SIPA1L3: variants seen among roughly 807,000 people sequenced by gnomAD.
The protein encoded by SIPA1L3 is signal induced proliferation associated 1 like 3.
Under a neutral mutation model 150.1 loss-of-function variants are expected in SIPA1L3, and 59 were observed. The ratio of observed to expected loss-of-function variants is 0.39; its 90% CI spans 0.32 to 0.49. SIPA1L3 has a LOEUF of 0.49. SIPA1L3 is among the 20% of genes least tolerant of loss of function. The probability of loss-of-function intolerance (pLI) is 0.86; values close to 1 mark genes in which losing one functional copy is unlikely to be tolerated. For missense variants in SIPA1L3, 2,211 were observed against 2,489.5 expected (o/e 0.89, Z 2.38); for synonymous variants, 1,070 against 1,077.6 (o/e 0.99, Z 0.14).
chr19:37,959,582 A>G (rs2046839137), intron 1 of SIPA1L3, among the ~76,000 whole-genome samples: 1 of 152,116 alleles, frequency 6.6e-6, no homozygotes, highest in Non-Finnish European at 1.5e-5. Context: ...GATGATAAAA[A>G]TTTTCTAAGC....
chr19:38,061,617 A>C (rs1969447606), intron 2 of SIPA1L3, among the ~76,000 whole-genome samples: 1 of 151,980 alleles, frequency 6.6e-6, no homozygotes, highest in Admixed American at 6.6e-5. Context: ...AGAGACAGAC[A>C]AGGACAGGGC....
rs997654407 is a variant in SIPA1L3, at chr19:38,003,880, T to C, written c.-378-25209T>C. Among the ~76,000 whole-genome samples the C allele has an allele frequency of 2.0e-5, 3 of 152,140 alleles. No individual in the cohort carries two copies. The East Asian group carries it at 5.8e-4, about 29-fold the overall frequency. On this transcript the variant is annotated intron_variant, in intron 1 of 21. Coordinates refer to ENST00000222345, the MANE Select transcript of SIPA1L3 (RefSeq NM_015073.3). ...AACCGGGAAGTTGAGTCAAATCTCT[T>C]TCATTTCAGATCCATCCCCCACCCC... is the stretch of plus-strand genomic sequence containing the variant.
chr19:37,929,151 C>T (rs73930318), intron 1 of SIPA1L3, among the ~76,000 whole-genome samples: 22 of 152,334 alleles, frequency 1.4e-4, no homozygotes, highest in African/African-American at 5.3e-4. Context: ...CCCAGAGAAA[C>T]CAGCCAAGGG....
intron 3 of SIPA1L3, among the ~76,000 whole-genome samples, chr19:38,087,230 G>A (rs1035633611): frequency 1.3e-5 from 2 of 152,138 alleles, no homozygotes; most frequent in South Asian, 2.1e-4. Flanking sequence ...GCTAGGATTC[G>A]CAAGGAGCTA....
At chr19:38,034,061 C>T (rs1035393592) in intron 2 of SIPA1L3, among the ~76,000 whole-genome samples, 7 of 152,154 alleles carry the variant, frequency 4.6e-5, no homozygotes, top group African/African-American at 1.7e-4. Flanking sequence ...AGGGCAGAGC[C>T]GCTTTGATTC....
chr19:37,927,248 A>G (rs151182025), intron 1 of SIPA1L3, among the ~76,000 whole-genome samples: 57 of 151,178 alleles, frequency 3.8e-4, no homozygotes, highest in Non-Finnish European at 6.0e-4. Context: ...GGTTTAAGCA[A>G]TTCTCCCTAC....
intron 1 of SIPA1L3, among the ~76,000 whole-genome samples, chr19:37,952,793 C>G (rs901285297): frequency 6.6e-6 from 1 of 152,224 alleles, no homozygotes; most frequent in African/African-American, 2.4e-5. Context: ...TTTATGTGAT[C>G]AACAGACTGG....
chr19:38,114,059 A>C lies in SIPA1L3; in HGVS notation c.2291+3675A>C, dbSNP rs140930773. On this transcript the variant is annotated intron_variant, in intron 8 of 21. Coordinates refer to ENST00000222345, the MANE Select transcript of SIPA1L3 (RefSeq NM_015073.3). ...CGTTTGCAATTTTATGATTTGTGAA[A>C]TCATGAATCAGGAATATAGGAAAAG... 3.9e-5 allele frequency among the ~76,000 whole-genome samples: 6 copies of C among 152,266 alleles called. No individual in the cohort carries two copies. The East Asian group carries it at 9.6e-4, about 24-fold the overall frequency.
rs546852182 is a variant in SIPA1L3 at position 38,095,130 on chromosome 19, T to A, written c.1666-4832T>A. On this transcript the variant is annotated intron_variant, in intron 4 of 21. Transcript: ENST00000222345. Reference sequence around the variant, plus strand: ...TATTTTTAAAACTATTAACTATGCATGTGGCTTTGTACATAAACATTTAAC... The same window carrying A: ...TATTTTTAAAACTATTAACTATGCAAGTGGCTTTGTACATAAACATTTAAC... Among the ~76,000 whole-genome samples, 82 of 152,312 alleles carry A rather than the reference T, an allele frequency of 5.4e-4. 3 individuals carry two copies. The South Asian group carries it at 0.016, about 29-fold the overall frequency.
At chr19:38,055,713 G>A (rs1014672197) in intron 2 of SIPA1L3, among the ~76,000 whole-genome samples, 6 of 152,216 alleles carry the variant, frequency 3.9e-5, no homozygotes, top group Non-Finnish European at 7.3e-5. Context: ...GCAGGAGTGC[G>A]GGATTCTCCC....
Position 38,082,285 on chromosome 19 carries a change from G to A in SIPA1L3, c.720G>A (p.Glu240=). The A allele has an allele frequency of 6.3e-7, 1 of 1,599,744 alleles. No homozygotes were observed. The highest frequency in any genetic ancestry group is 1.1e-5 in the South Asian group (1 of 91,008). Residue 240 remains glutamate, a synonymous_variant, in exon 3 of 22, where the codon GAG becomes GAA. Transcript: ENST00000222345. ...CCCGAGGGTGCCAGGCCCTCACCGA[G>A]CTCCTCCGGGCAGATCCTGGCCCAC... is the stretch of plus-strand genomic sequence containing the variant. ...PDARGCQALT[E]LLRADPGPHL...
At chr19:38,000,038 T>C (rs541762451) in intron 1 of SIPA1L3, among the ~76,000 whole-genome samples, 109 of 152,328 alleles carry the variant, frequency 7.2e-4, no homozygotes, top group African/African-American at 2.6e-3. Flanking sequence ...ACCTGCCTCG[T>C]AGGATTTAAG....
chr19:37,996,599 A>T (rs1967642829), intron 1 of SIPA1L3, among the ~76,000 whole-genome samples: 1 of 152,160 alleles, frequency 6.6e-6, no homozygotes, highest in African/African-American at 2.4e-5. Flanking sequence ...ACCATGATGT[A>T]CAGTAGCTCT....
chr19:38,102,073 G>C (rs769664356), intron 6 of SIPA1L3, among the ~76,000 whole-genome samples: 1 of 138,916 alleles, frequency 7.2e-6, no homozygotes, highest in Non-Finnish European at 1.5e-5. Context: ...TTTTGAAACA[G>C]TCTGCCTCTA....
intron 1 of SIPA1L3, among the ~76,000 whole-genome samples, chr19:38,017,289 C>A (rs1409511941): frequency 6.6e-6 from 1 of 152,172 alleles, no homozygotes; most frequent in Non-Finnish European, 1.5e-5. Context: ...ATTTGCGGAA[C>A]TGTTCTTGAT....
chr19:38,157,948 A>G, intron 13 of SIPA1L3, among the ~76,000 whole-genome samples: 1 of 152,198 alleles, frequency 6.6e-6, no homozygotes, highest in South Asian at 2.1e-4. Context: ...CCGAGTATGA[A>G]GTGGAAACTA....
At chr19:38,083,125 G>C (rs1392694123) in intron 3 of SIPA1L3, 26 bp downstream of exon 3, 8 of 1,587,740 alleles carry the variant, frequency 5.0e-6, no homozygotes, top group Non-Finnish European at 6.8e-6. Flanking sequence ...TGGGTGGGAA[G>C]GTTGGGTGGG....
intron 16 of SIPA1L3, among the ~76,000 whole-genome samples, chr19:38,187,379 G>C (rs1426018164): frequency 6.6e-6 from 1 of 151,782 alleles, no homozygotes; most frequent in Non-Finnish European, 1.5e-5. Flanking sequence ...TAGAACCTGG[G>C]AGGCAGAGGT....
intron 1 of SIPA1L3, among the ~76,000 whole-genome samples, chr19:37,993,259 A>G (rs1457670449): frequency 1.3e-5 from 2 of 152,196 alleles, no homozygotes; most frequent in Non-Finnish European, 2.9e-5. Flanking sequence ...GAGATGATCT[A>G]TATGAAGCCC....
Sources: allele counts gnomAD v4.1 joint callset (sites outside exome capture counted in the v4.1 genomes callset), GRCh38; gene constraint gnomAD v4.1.1; transcripts MANE v1.5; gene names NCBI Gene and HGNC (gene_info 2026-07-23, HGNC 2026-07-21).